LOXL2: variants seen among roughly 807,000 people sequenced by gnomAD.
LOXL2 encodes the protein lysyl oxidase like 2.
LOXL2 carries 70 observed loss-of-function variants against 93.0 expected under a neutral mutation model. The ratio of observed to expected loss-of-function variants is 0.75; its 90% confidence interval spans 0.62 to 0.92. The LOEUF (loss-of-function observed/expected upper bound fraction) is 0.92, where lower values mean the gene tolerates loss of function less well. LOXL2 is among the 40% of genes least tolerant of loss of function. LOXL2 has a pLI of 0.00. For synonymous variants in LOXL2, 438 were observed against 413.2 expected, an observed-to-expected ratio of 1.06 and a Z score of -0.73; for missense variants, 973 against 1,054.9, an observed-to-expected ratio of 0.92 and a Z score of 1.08.
chr8:23,333,910 A>G (rs540537607), intron 4 of LOXL2, among the ~76,000 whole-genome samples: 41 of 152,360 alleles, frequency 2.7e-4, no homozygotes, highest in Non-Finnish European at 5.3e-4. Context: ...TGAAATAATA[A>G]TAATAAAGCC....
chr8:23,382,714 C>G (rs1166070623), intron 1 of LOXL2, among the ~76,000 whole-genome samples: 2 of 152,074 alleles, frequency 1.3e-5, no homozygotes, highest in Admixed American at 6.6e-5. Flanking sequence ...CTGCCCTGCT[C>G]TGGTCAGTCT....
chr8:23,360,206 TG>T lies in LOXL2; in HGVS notation c.414del (p.Cys138Ter), dbSNP rs1369588748. On this transcript the variant is annotated frameshift_variant, in exon 3 of 14. Transcript: ENST00000389131. LOFTEE classifies it high-confidence loss of function. ...CTGNEATLAA[C>X]TSNGWGVTDC... is the part of the protein sequence containing the mutation. ...TCAGTGACGCCCCAGCCATTGGAGG[TG>T]CATGCTGCAAGGGTCGCCTCGTTGC... The T allele has an allele frequency of 6.2e-7, 1 of 1,613,970 alleles. No homozygotes were observed. The highest frequency in any genetic ancestry group is 1.1e-5 in the South Asian group (1 of 91,058).
At chr8:23,332,047 A>AAAAAAAAG (rs1464863660) in intron 5 of LOXL2, 2 of 141,932 alleles carry the variant, frequency 1.4e-5, no homozygotes, top group Non-Finnish European at 3.0e-5. Context: ...AAAAAAAAAA[A>AAAAAAAAG]AAGAAGAAGA....
At chr8:23,344,732 A>G (rs11774789) in intron 3 of LOXL2, among the ~76,000 whole-genome samples, 90,219 of 151,744 alleles carry the variant, frequency 0.59, 27,459 homozygotes, top group African/African-American at 0.73. Context: ...GCATCTGTTT[A>G]TGTGTCTTGT....
Position 23,332,190 on chromosome 8 carries a change from A to ACC in LOXL2, c.966+1210_966+1211insGG, listed in dbSNP as rs59892360. Among the ~76,000 whole-genome samples the ACC allele has an allele frequency of 7.1e-3, 1,011 of 142,006 alleles. 57 individuals carry two copies. In the East Asian group the frequency reaches 0.14, roughly 19 times the overall value. The allele number at this position is 142,006 out of a possible 152,430, so 93.2% of individuals were successfully genotyped here. A position where few individuals can be genotyped will look rare whatever the true frequency, so the allele number is the denominator to read the frequency against. ...CTCACACTCTCTCACACACACACAC[A>ACC]CACCCCACACACACCCACACCCACC... On this transcript the variant is annotated intron_variant, in intron 5 of 13. Coordinates refer to ENST00000389131, the MANE Select transcript of LOXL2 (RefSeq NM_002318.3).
chr8:23,368,378 G>C lies in LOXL2; in HGVS notation c.-27C>G, dbSNP rs772681304. 2.5e-6 allele frequency: 4 copies of C among 1,592,152 alleles called. No individual in the cohort carries two copies. Reference sequence around the variant, plus strand: ...CCTGTCTTCGGGCTGATGATCCCACGAAGGGGCCCTGCGCAGCTGGGAGGG... The same window carrying C: ...CCTGTCTTCGGGCTGATGATCCCACCAAGGGGCCCTGCGCAGCTGGGAGGG... On this transcript the variant is annotated 5_prime_UTR_variant, in exon 2 of 14. Transcript: ENST00000389131.
At chr8:23,354,934 T>TAC (rs1804162613) in intron 3 of LOXL2, among the ~76,000 whole-genome samples, 2 of 46,654 alleles carry the variant, frequency 4.3e-5, no homozygotes, top group Admixed American at 3.8e-4. Flanking sequence ...GGAGTTGGAA[T>TAC]ATATATATAT....
At chr8:23,320,369 C>A (rs1803474811) in intron 7 of LOXL2, among the ~76,000 whole-genome samples, 1 of 152,162 alleles carries the variant, frequency 6.6e-6, no homozygotes, top group Admixed American at 6.5e-5. Context: ...GCCCTCGGGA[C>A]CTTGACATGT....
intron 8 of LOXL2, among the ~76,000 whole-genome samples, chr8:23,318,254 C>G (rs1803435030): frequency 1.3e-5 from 2 of 151,988 alleles, no homozygotes; most frequent in Non-Finnish European, 2.9e-5. Context: ...CAGACTCTAG[C>G]TGCAACATCA....
In LOXL2 at chr8:23,326,150, T is replaced by A. The variant is rs556636023; in HGVS notation, c.1150+2232A>T. Among the ~76,000 whole-genome samples the A allele has an allele frequency of 7.2e-5, 11 of 152,280 alleles. No individual in the cohort carries two copies. In the South Asian group the frequency reaches 2.3e-3, roughly 32 times the overall value. ...GACTTGACATTAAATGTGGTACTTTTCCCTTTCTGCCTACTAGAGTTGACC... is the reference window on the plus strand; with the variant it reads ...GACTTGACATTAAATGTGGTACTTTACCCTTTCTGCCTACTAGAGTTGACC... On this transcript the variant is annotated intron_variant, in intron 6 of 13. Transcript: ENST00000389131.
intron 1 of LOXL2, among the ~76,000 whole-genome samples, chr8:23,376,209 G>T (rs1441134999): frequency 6.6e-6 from 1 of 152,126 alleles, no homozygotes; most frequent in Admixed American, 6.5e-5. Flanking sequence ...TGTGGTTTTT[G>T]TCTTTGGTTC....
chr8:23,341,352 C>A, intron 3 of LOXL2, 149 bp from the exon 4 acceptor site: 1 of 666,648 alleles, frequency 1.5e-6, no homozygotes, highest in Non-Finnish European at 2.7e-6. Context: ...TCTGGGCAAC[C>A]CCGAGGGGCA....
At chr8:23,327,751 C>T (rs377295744) in intron 6 of LOXL2, among the ~76,000 whole-genome samples, 4 of 152,278 alleles carry the variant, frequency 2.6e-5, no homozygotes, top group South Asian at 2.1e-4. Flanking sequence ...TCTTCTGTGT[C>T]GTCTTCTAGC....
At chr8:23,324,441 G>A (rs532511219) in intron 6 of LOXL2, among the ~76,000 whole-genome samples, 42 of 152,320 alleles carry the variant, frequency 2.8e-4, no homozygotes, top group South Asian at 1.2e-3. Context: ...ACTGAGTTCC[G>A]TGGGGGGTTG....
At chr8:23,339,466 A>G in intron 4 of LOXL2, among the ~76,000 whole-genome samples, 1 of 152,218 alleles carries the variant, frequency 6.6e-6, no homozygotes, top group East Asian at 1.9e-4. Context: ...CCCAGGGCCC[A>G]GCTGCCGAAA....
rs754278702 is a variant in LOXL2, at chr8:23,298,860, T to A, written c.2221A>T (p.Ile741Phe). 1.2e-6 allele frequency: 2 copies of A among 1,613,642 alleles called. No individual in the cohort carries two copies. The highest frequency in any genetic ancestry group is 1.7e-6 in the Non-Finnish European group (2 of 1,179,616). ...CCTATGTGGCAGTTGTACATCCAGA[T>A]GCGGTGGCCGTCATAGCGGCTCCTG... ...KCRSRYDGHR[I>F]WMYNCHIGGS... Residue 741 changes from isoleucine to phenylalanine, a missense_variant, in exon 13 of 14, where the codon ATC (isoleucine) becomes TTC (phenylalanine). Ile to Phe is a conservative substitution (Grantham distance 21). Transcript: ENST00000389131.
At chr8:23,306,154 G>T (rs868791639) in intron 10 of LOXL2, among the ~76,000 whole-genome samples, 1 of 152,188 alleles carries the variant, frequency 6.6e-6, no homozygotes, top group Non-Finnish European at 1.5e-5. Flanking sequence ...AAGGGAGGAG[G>T]TGTTGGATGC....
rs112495811 is a variant in LOXL2, at chr8:23,359,970, T to C, written c.531+120A>G. The C allele has an allele frequency of 6.7e-5, 60 of 897,592 alleles. 1 individual carries two copies. The East Asian group carries it at 7.6e-4, about 11-fold the overall frequency. 55.6% of individuals were successfully genotyped at this position (897,592 alleles called of 1,614,324 possible). A position where few individuals can be genotyped will look rare whatever the true frequency, so the allele number is the denominator to read the frequency against. On this transcript the variant is annotated intron_variant, in intron 3 of 13. Transcript: ENST00000389131. ...TAAACTGCCCTTGTATCTAATCCCATTGGGTGAGGTACCCTCCTTCCTGCT... is the reference window on the plus strand; with the variant it reads ...TAAACTGCCCTTGTATCTAATCCCACTGGGTGAGGTACCCTCCTTCCTGCT...
chr8:23,303,341 G>A lies in LOXL2; in HGVS notation c.1937C>T (p.Thr646Ile). The change falls in exon 11 of 14, where the codon ACC becomes ATC. Residue 646 changes from threonine to isoleucine, a missense_variant. Thr to Ile is a moderately conservative substitution (Grantham distance 89). Coordinates refer to ENST00000389131, the MANE Select transcript of LOXL2 (RefSeq NM_002318.3). ...THYDLLNLNG[T>I]KVAEGHKASF... ...GGCCTTGTGGCCCTCTGCCACCTTG[G>A]TGCCATTGAGGTTCAGCAGGTCATA... 1 of 1,613,784 alleles carries A rather than the reference G, an allele frequency of 6.2e-7. No homozygotes were observed. Among genetic ancestry groups the A allele is most frequent in the Non-Finnish European group, 8.5e-7 (1 of 1,179,942 alleles).
Sources: allele counts gnomAD v4.1 joint callset (sites outside exome capture counted in the v4.1 genomes callset), GRCh38; gene constraint gnomAD v4.1.1; transcripts MANE v1.5; gene names NCBI Gene and HGNC (gene_info 2026-07-23, HGNC 2026-07-21).